Variants in CBFA2T3 observed in about 807,000 individuals in gnomAD.
CBFA2T3 encodes CBFA2/RUNX1 partner transcriptional co-repressor 3.
A neutral mutation model predicts 58.6 loss-of-function variants in CBFA2T3; 31 were observed. That is an observed-to-expected ratio of 0.53 (90% CI 0.40 to 0.71). The LOEUF (loss-of-function observed/expected upper bound fraction) is 0.71, where lower values mean the gene tolerates loss of function less well. CBFA2T3 is among the 30% of genes least tolerant of loss of function. CBFA2T3 has a pLI of 0.00. For synonymous variants in CBFA2T3, 531 were observed against 421.9 expected (o/e 1.26, Z -3.17); for missense variants, 1,076 against 963.1 (o/e 1.12, Z -1.55).
At chr16:88,901,419 C>T in intron 2 of CBFA2T3, 85 bp downstream of exon 2, 1 of 673,802 alleles carries the variant, frequency 1.5e-6, no homozygotes, top group Non-Finnish European at 2.4e-6. Context: ...CCCGCTGGCT[C>T]CGGGCAGGAA....
chr16:88,901,736 C>T (rs147021194), intron 1 of CBFA2T3, 80 bp from the exon 2 acceptor site: 21,229 of 1,318,104 alleles, frequency 0.016, 189 homozygotes, highest in East Asian at 0.024. Flanking sequence ...CGGTTCCCAG[C>T]GAAGGCCCCA....
At chr16:88,890,702 C>CTTCA (rs58270745) in intron 5 of CBFA2T3, among the ~76,000 whole-genome samples, 35,649 of 151,278 alleles carry the variant, frequency 0.24, 4,924 homozygotes, top group East Asian at 0.43. Context: ...GAATCACTGG[C>CTTCA]TTCATTCATT....
At chr16:88,964,077 G>A (rs746202057) in intron 1 of CBFA2T3, among the ~76,000 whole-genome samples, 4 of 152,228 alleles carry the variant, frequency 2.6e-5, no homozygotes, top group Non-Finnish European at 4.4e-5. Flanking sequence ...AAAGGGCCAC[G>A]CACACAAGAC....
At chr16:88,879,021 C>T (rs1392698174) in intron 11 of CBFA2T3, among the ~76,000 whole-genome samples, 1 of 152,252 alleles carries the variant, frequency 6.6e-6, no homozygotes, top group Non-Finnish European at 1.5e-5. Flanking sequence ...CTCAGACAAG[C>T]TGCCAACCCT....
At position 88,941,142 on chromosome 16, in the gene CBFA2T3, C is replaced by T. The variant is rs912061426; in HGVS notation, c.151+35515G>A. ...CGACTCAGGGGCGGCTGCGCGCTGT[C>T]TTCTGGCGCCGCACCGGGCTCAGGC... On this transcript the variant is annotated intron_variant, in intron 1 of 11. Transcript: ENST00000268679. The T allele has an allele frequency of 3.1e-6, 3 of 983,516 alleles. No homozygotes were observed. The African/African-American group carries it at 5.3e-5, about 17-fold the overall frequency. The allele number at this position is 983,516 out of a possible 1,614,324, so 60.9% of individuals were successfully genotyped here.
chr16:88,929,948 G>A (rs1484405219), intron 1 of CBFA2T3, among the ~76,000 whole-genome samples: 1 of 142,934 alleles, frequency 7.0e-6, no homozygotes, highest in East Asian at 2.1e-4. Flanking sequence ...ACAGCTGCAT[G>A]GTCCACGTAA....
Position 88,876,831 on chromosome 16 carries a change from G to C in CBFA2T3, c.*145C>G. 1.7e-6 allele frequency: 1 copy of C among 587,972 alleles called. No individual in the cohort carries two copies. The highest frequency in any genetic ancestry group is 2.8e-6 in the Non-Finnish European group (1 of 359,768). 36.4% of individuals were successfully genotyped at this position (587,972 alleles called of 1,614,324 possible). On this transcript the variant is annotated 3_prime_UTR_variant, in exon 12 of 12. Coordinates refer to ENST00000268679, the MANE Select transcript of CBFA2T3 (RefSeq NM_005187.6). ...CTTTCGGAGAGGGGCAGTAGCAGCA[G>C]TGACTAATTGGTCGGCTCCCCCAGG... is the stretch of plus-strand genomic sequence containing the variant.
chr16:88,927,659 G>A (rs1597738537), intron 1 of CBFA2T3, among the ~76,000 whole-genome samples: 1 of 152,200 alleles, frequency 6.6e-6, no homozygotes, highest in East Asian at 1.9e-4. Flanking sequence ...GGGTTCAGCT[G>A]TCACAGAGGG....
At chr16:88,935,793 G>A (rs769867676) in intron 1 of CBFA2T3, among the ~76,000 whole-genome samples, 23 of 152,228 alleles carry the variant, frequency 1.5e-4, no homozygotes, top group Non-Finnish European at 2.5e-4. Context: ...GAAAAGGGAC[G>A]AGGCTGATGG....
chr16:88,891,511 C>T, intron 5 of CBFA2T3, among the ~76,000 whole-genome samples: 1 of 152,240 alleles, frequency 6.6e-6, no homozygotes, highest in East Asian at 1.9e-4. Flanking sequence ...GCCTTGCCCC[C>T]ACACTGGCAC....
At chr16:88,878,823 G>A (rs892890472) in intron 11 of CBFA2T3, among the ~76,000 whole-genome samples, 1 of 152,230 alleles carries the variant, frequency 6.6e-6, no homozygotes, top group Non-Finnish European at 1.5e-5. Context: ...GCGGGCGCCT[G>A]TAATCCCAGC....
At chr16:88,961,928 C>T (rs576714229) in intron 1 of CBFA2T3, among the ~76,000 whole-genome samples, 1 of 146,700 alleles carries the variant, frequency 6.8e-6, no homozygotes, top group Non-Finnish European at 1.5e-5. Flanking sequence ...GGCATTCCCA[C>T]TCCATAGTAA....
In CBFA2T3 at chr16:88,890,312, C is replaced by T. The variant is rs563464862; in HGVS notation, c.711+1570G>A. Among the ~76,000 whole-genome samples, 112 of 152,356 alleles carry T rather than the reference C, an allele frequency of 7.4e-4. 1 individual carries two copies. The highest frequency in any genetic ancestry group is 7.3e-5 in the Non-Finnish European group (5 of 68,028). ...AACCGAAGCACAGAGGAACTGGCCTCACCCAGGGGCCAACAGCTGCTAAGT... is the reference window on the plus strand; with the variant it reads ...AACCGAAGCACAGAGGAACTGGCCTTACCCAGGGGCCAACAGCTGCTAAGT... On this transcript the variant is annotated intron_variant, in intron 5 of 11. Transcript: ENST00000268679.
At chr16:88,906,253 G>C (rs1250185206) in intron 1 of CBFA2T3, among the ~76,000 whole-genome samples, 1 of 152,110 alleles carries the variant, frequency 6.6e-6, no homozygotes, top group Admixed American at 6.5e-5. Flanking sequence ...CTTCCTAGGT[G>C]CCTGGCTTCC....
rs1972158708 is a variant in CBFA2T3 at position 88,954,400 on chromosome 16, C to CCTAAGGCTGCTGACCCCAG, written c.151+22256_151+22257insCTGGGGTCAGCAGCCTTAG. ...ACCCCACCCAAGACTCCTGACCCTACCCAAGACTCCTGACCCCACCCAAGG... is the reference window on the plus strand; with the variant it reads ...ACCCCACCCAAGACTCCTGACCCTACCTAAGGCTGCTGACCCCAGCCAAGACTCCTGACCCCACCCAAGG... On this transcript the variant is annotated intron_variant, in intron 1 of 11. Transcript: ENST00000268679. 2.8e-5 allele frequency among the ~76,000 whole-genome samples: 2 copies of CCTAAGGCTGCTGACCCCAG among 71,370 alleles called. 1 individual carries two copies. Among genetic ancestry groups the CCTAAGGCTGCTGACCCCAG allele is most frequent in the Admixed American group, 2.4e-4 (2 of 8,240 alleles). 46.8% of individuals were successfully genotyped at this position (71,370 alleles called of 152,430 possible). A position where few individuals can be genotyped will look rare whatever the true frequency, so the allele number is the denominator to read the frequency against.
Position 88,969,657 on chromosome 16 carries a change from C to G in CBFA2T3, c.151+7000G>C, listed in dbSNP as rs189154314. Among the ~76,000 whole-genome samples, 40 of 152,326 alleles carry G rather than the reference C, an allele frequency of 2.6e-4. No individual in the cohort carries two copies. In the East Asian group the frequency reaches 6.9e-3, roughly 26 times the overall value. ...GGAGAGGGGGGCGGGGCCGGCCTGA[C>G]GACGCACAGACCTCAGCACCGCCCG... On this transcript the variant is annotated intron_variant, in intron 1 of 11. Transcript: ENST00000268679.
chr16:88,889,441 G>A (rs1260261539), intron 5 of CBFA2T3, among the ~76,000 whole-genome samples: 4 of 151,454 alleles, frequency 2.6e-5, no homozygotes, highest in Admixed American at 6.6e-5. Context: ...ACAGAGGTGG[G>A]TGTGATGTGG....
At chr16:88,925,791 G>C (rs1272369450) in intron 1 of CBFA2T3, among the ~76,000 whole-genome samples, 1 of 152,232 alleles carries the variant, frequency 6.6e-6, no homozygotes. Context: ...AGCTGCTCCT[G>C]CTCCCCGGCG....
chr16:88,954,684 G>T (rs567096787), intron 1 of CBFA2T3, among the ~76,000 whole-genome samples: 2 of 18,706 alleles, frequency 1.1e-4, no homozygotes, highest in Non-Finnish European at 2.0e-4. Flanking sequence ...TCCTGACCCC[G>T]CCCAAGGCTC....
Sources: gnomAD v4.1 joint callset for allele counts (sites outside exome capture counted in the v4.1 genomes callset) on GRCh38, gnomAD v4.1.1 for gene constraint, MANE v1.5 for transcripts, NCBI Gene and HGNC (gene_info 2026-07-23, HGNC 2026-07-21) for gene names.